The following NDUFB10 variants were observed in gnomAD, a reference collection of about 807,000 sequenced individuals.
The protein encoded by NDUFB10 is NADH:ubiquinone oxidoreductase subunit B10.
Under a neutral mutation model 19.0 loss-of-function variants are expected in NDUFB10, and 23 were observed. The observed-to-expected ratio is 1.21, with a 90% CI of 0.87 to 1.71. NDUFB10 has a LOEUF of 1.71. Among genes scored for constraint, NDUFB10 ranks in the 40% most tolerant of loss-of-function variants. The pLI is 0.00. For synonymous variants in NDUFB10, 104 were observed against 81.8 expected, an observed-to-expected ratio of 1.27 and a Z score of -1.46; for missense variants, 312 against 230.6, an observed-to-expected ratio of 1.35 and a Z score of -2.29.
At chr16:1,961,740 C>T (rs1353851193) in intron 3 of NDUFB10, 57 bp from the exon 4 acceptor site, 2 of 1,497,906 alleles carry the variant, frequency 1.3e-6, no homozygotes, top group African/African-American at 2.8e-5. Flanking sequence ...CTTGACTTTG[C>T]CCCCTTTGCA....
rs761387491 is a variant in NDUFB10, at chr16:1,959,608, C to A, written c.-17C>A. ...AGGGCAGCGCGTCCGGGAGCGGAGT[C>A]CGCGCCCGCCGCCGCCATGCCGGAC... On this transcript the variant is annotated 5_prime_UTR_variant, in exon 1 of 4. Coordinates refer to ENST00000268668, the MANE Select transcript of NDUFB10 (RefSeq NM_004548.3). The A allele has an allele frequency of 1.4e-5, 23 of 1,601,962 alleles. No homozygotes were observed. The highest frequency in any genetic ancestry group is 2.7e-5 in the African/African-American group (2 of 74,806).
chr16:1,960,817 A>C (rs538376187), intron 1 of NDUFB10, among the ~76,000 whole-genome samples: 40 of 152,328 alleles, frequency 2.6e-4, no homozygotes, highest in Non-Finnish European at 4.0e-4. Flanking sequence ...GTCCCTGTGC[A>C]GCTGGGGGAG....
rs1266339955 is a variant in NDUFB10, at chr16:1,959,766, C to T, written c.130+12C>T. ...GACCCTCGTGAGAGGTACGAAGCCC[C>T]AGCCCGGGGCTCCCTCGCCGGCCTC... On this transcript the variant is annotated intron_variant, in intron 1 of 3. Transcript: ENST00000268668. The T allele has an allele frequency of 6.2e-7, 1 of 1,612,608 alleles. No individual in the cohort carries two copies. The highest frequency in any genetic ancestry group is 1.3e-5 in the African/African-American group (1 of 74,868).
rs2083241301 is a variant in NDUFB10, at chr16:1,959,757, ACGAAGCCCCAGCCCGGGGCTCCCT to A, written c.130+6_130+29del. 2 of 1,612,838 alleles carry A rather than the reference ACGAAGCCCCAGCCCGGGGCTCCCT, an allele frequency of 1.2e-6. No homozygotes were observed. Among genetic ancestry groups the A allele is most frequent in the African/African-American group, 2.7e-5 (2 of 74,984 alleles). On this transcript the variant is annotated splice_donor_5th_base_variant and intron_variant, in intron 1 of 3. Coordinates refer to ENST00000268668, the MANE Select transcript of NDUFB10 (RefSeq NM_004548.3). The stretch of plus-strand genomic sequence containing the variant: ...CCGACCCGTGACCCTCGTGAGAGGT[ACGAAGCCCCAGCCCGGGGCTCCCT>A]CGCCGGCCTCTGGGGACCCCTGGAT...
In NDUFB10 at chr16:1,961,033, A is replaced by G. The variant is rs748452680; in HGVS notation, c.131-120A>G. 56 of 1,269,242 alleles carry G rather than the reference A, an allele frequency of 4.4e-5. No individual in the cohort carries two copies. In the East Asian group the frequency reaches 4.6e-4, roughly 10 times the overall value. The allele number at this position is 1,269,242 out of a possible 1,614,324, so 78.6% of individuals were successfully genotyped here. ...TTAGAGAGACGAATTGCTGTTTTCTAAACGCTGGAACACTCAGGAAGTTCT... is the reference window on the plus strand; with the variant it reads ...TTAGAGAGACGAATTGCTGTTTTCTGAACGCTGGAACACTCAGGAAGTTCT... On this transcript the variant is annotated intron_variant, in intron 1 of 3. Coordinates refer to ENST00000268668, the MANE Select transcript of NDUFB10 (RefSeq NM_004548.3).
Position 1,961,587 on chromosome 16 carries a change from CAAGG to C in NDUFB10, c.364_367del (p.Glu122TrpfsTer69), listed in dbSNP as rs1432317277. 6.2e-7 allele frequency: 1 copy of C among 1,614,066 alleles called. No individual in the cohort carries two copies. Among genetic ancestry groups the C allele is most frequent in the East Asian group, 2.2e-5 (1 of 44,884 alleles). On this transcript the variant is annotated frameshift_variant, in exon 3 of 4. Coordinates refer to ENST00000268668, the MANE Select transcript of NDUFB10 (RefSeq NM_004548.3). LOFTEE classifies it high-confidence loss of function. ...GACAGAACTACCAGCAGAACTGTAT[CAAGG>C]AAGTGGAGCAGTTCACCCAGGTGGC...
intron 2 of NDUFB10, 48 bp from the exon 3 acceptor site, chr16:1,961,449 G>A: frequency 1.9e-6 from 3 of 1,608,734 alleles, no homozygotes; most frequent in Non-Finnish European, 1.7e-6. Context: ...CAGGGTACAG[G>A]AAAAGGATTC....
In NDUFB10 at chr16:1,961,158, A is replaced by G. The variant is rs773698335; in HGVS notation, c.136A>G (p.Ile46Val). Residue 46 changes from isoleucine to valine, a missense_variant, in exon 2 of 4, where the codon ATA becomes GTA. By Grantham distance (29) the Ile-to-Val change is conservative. Transcript: ENST00000268668. ...CTGTGGCTTTGTCTTTGCAGAATTT[A>G]TAGAGCGGCAGCACGCAAAGAACAG... ...DRPVTLVREF[I>V]ERQHAKNRYY... 11 of 1,613,788 alleles carry G rather than the reference A, an allele frequency of 6.8e-6. No homozygotes were observed. In the East Asian group the frequency reaches 2.2e-4, roughly 33 times the overall value.
Position 1,959,575 on chromosome 16 carries a change from T to G in NDUFB10, c.-50T>G, listed in dbSNP as rs777832378. The G allele has an allele frequency of 6.4e-7, 1 of 1,560,308 alleles. No individual in the cohort carries two copies. The highest frequency in any genetic ancestry group is 8.7e-7 in the Non-Finnish European group (1 of 1,151,282). ...CTAGGCCGCGGGACCCGGACGGAGG[T>G]AGAGGCCAGGGCAGCGCGTCCGGGA... is the stretch of plus-strand genomic sequence containing the variant. On this transcript the variant is annotated 5_prime_UTR_variant, in exon 1 of 4. Coordinates refer to ENST00000268668, the MANE Select transcript of NDUFB10 (RefSeq NM_004548.3).
Position 1,961,169 on chromosome 16 carries a change from G to A in NDUFB10, c.147G>A (p.Gln49=), listed in dbSNP as rs1372061092. ...VTLVREFIER[Q]HAKNRYYYYH... is the part of the protein sequence containing the mutation. Reference sequence around the variant, plus strand: ...TCTTTGCAGAATTTATAGAGCGGCAGCACGCAAAGAACAGGTATTACTACT... The same window carrying A: ...TCTTTGCAGAATTTATAGAGCGGCAACACGCAAAGAACAGGTATTACTACT... Residue 49 remains glutamine (Q), a synonymous_variant, in exon 2 of 4, where the codon CAG becomes CAA. Transcript: ENST00000268668. 9 of 1,613,904 alleles carry A rather than the reference G, an allele frequency of 5.6e-6. No homozygotes were observed. Among genetic ancestry groups the A allele is most frequent in the East Asian group, 2.2e-5 (1 of 44,900 alleles).
intron 1 of NDUFB10, 123 bp downstream of exon 1, chr16:1,959,877 C>T (rs949897598): frequency 1.7e-5 from 23 of 1,335,944 alleles, no homozygotes; most frequent in African/African-American, 2.9e-5. Flanking sequence ...CGCTGCACCC[C>T]GGGGACAACT....
chr16:1,959,549 C>G lies in NDUFB10; in HGVS notation c.-76C>G. The G allele has an allele frequency of 2.7e-6, 4 of 1,505,180 alleles. No homozygotes were observed. The highest frequency in any genetic ancestry group is 3.6e-6 in the Non-Finnish European group (4 of 1,122,636). 93.2% of individuals were successfully genotyped at this position (1,505,180 alleles called of 1,614,324 possible). ...CCTCGGCGTCCTCTGTAGCGGGCGA[C>G]CTAGGCCGCGGGACCCGGACGGAGG... On this transcript the variant is annotated 5_prime_UTR_variant, in exon 1 of 4. Transcript: ENST00000268668.
rs763063498 is a variant in NDUFB10, at chr16:1,961,230, G to T, written c.208G>T (p.Glu70Ter). The T allele has an allele frequency of 6.2e-7, 1 of 1,614,132 alleles. No homozygotes were observed. Among genetic ancestry groups the T allele is most frequent in the Non-Finnish European group, 8.5e-7 (1 of 1,180,036 alleles). ...GTACCGCCGCGTGCCAGACATCACT[G>T]AGTGCAAGGAGGAGGACATCATGTG... is the stretch of plus-strand genomic sequence containing the variant. ...RQYRRVPDIT[E>*]CKEEDIMCMY... is the part of the protein sequence containing the mutation. Residue 70 changes from glutamate (E) to a stop codon, truncating the protein, a stop_gained, in exon 2 of 4, where the codon GAG becomes TAG. Coordinates refer to ENST00000268668, the MANE Select transcript of NDUFB10 (RefSeq NM_004548.3). LOFTEE classifies it high-confidence loss of function.
In NDUFB10 at chr16:1,960,143, C is replaced by G. The variant is rs564775866; in HGVS notation, c.130+389C>G. Among the ~76,000 whole-genome samples, 8 of 152,274 alleles carry G rather than the reference C, an allele frequency of 5.3e-5. No homozygotes were observed. In the South Asian group the frequency reaches 1.5e-3, roughly 28 times the overall value. ...TCTCAAATGTCTCTCTGCCGGATGA[C>G]CAAGTGTCGGGGTGATGGCCGAGAT... On this transcript the variant is annotated intron_variant, in intron 1 of 3. Coordinates refer to ENST00000268668, the MANE Select transcript of NDUFB10 (RefSeq NM_004548.3).
At position 1,961,892 on chromosome 16, in the gene NDUFB10, G is replaced by A. The variant is rs375613670; in HGVS notation, c.505G>A (p.Ala169Thr). Residue 169 changes from alanine to threonine, a missense_variant, in exon 4 of 4, where the codon GCT becomes ACT. Transcript: ENST00000268668. ...QERKAAKEAA[A>T]ATS is the part of the protein sequence containing the mutation. ...GAGAAAAGCTGCAAAAGAGGCCGCC[G>A]CTGCCACCTCCTGAGGCAGCTGTGG... 1.9e-5 allele frequency: 30 copies of A among 1,561,092 alleles called. No individual in the cohort carries two copies. The highest frequency in any genetic ancestry group is 9.5e-5 in the African/African-American group (7 of 73,710).
At chr16:1,959,849 C>T in intron 1 of NDUFB10, 95 bp downstream of exon 1, 4 of 1,510,606 alleles carry the variant, frequency 2.6e-6, no homozygotes, top group Non-Finnish European at 3.6e-6. Flanking sequence ...GGGGTCCCGT[C>T]TGCCTGAGAC....
chr16:1,959,694 A>G lies in NDUFB10; in HGVS notation c.70A>G (p.Ile24Val), dbSNP rs2083240847. ...CCGCACGCCGGTGCAGCCCAATCCCATCGTCTACATGATGAAAGCGTTCGA... is the reference window on the plus strand; with the variant it reads ...CCGCACGCCGGTGCAGCCCAATCCCGTCGTCTACATGATGAAAGCGTTCGA... Reference protein sequence around the residue: ...PRRTPVQPNPIVYMMKAFDLI... With the variant: ...PRRTPVQPNPVVYMMKAFDLI... The change falls in exon 1 of 4, where the codon ATC becomes GTC. Residue 24 changes from isoleucine (I) to valine (V), a missense_variant. Physicochemically the swap from Ile to Val is conservative, Grantham distance 29. Coordinates refer to ENST00000268668, the MANE Select transcript of NDUFB10 (RefSeq NM_004548.3). 1.9e-6 allele frequency: 3 copies of G among 1,613,098 alleles called. No individual in the cohort carries two copies. Among genetic ancestry groups the G allele is most frequent in the African/African-American group, 1.3e-5 (1 of 74,920 alleles).
rs1214682985 is a variant in NDUFB10, at chr16:1,959,590, C to A, written c.-35C>A. 1.9e-6 allele frequency: 3 copies of A among 1,586,406 alleles called. No homozygotes were observed. Among genetic ancestry groups the A allele is most frequent in the Non-Finnish European group, 1.7e-6 (2 of 1,166,558 alleles). On this transcript the variant is annotated 5_prime_UTR_variant, in exon 1 of 4. Coordinates refer to ENST00000268668, the MANE Select transcript of NDUFB10 (RefSeq NM_004548.3). Reference sequence around the variant, plus strand: ...CGGACGGAGGTAGAGGCCAGGGCAGCGCGTCCGGGAGCGGAGTCCGCGCCC... The same window carrying A: ...CGGACGGAGGTAGAGGCCAGGGCAGAGCGTCCGGGAGCGGAGTCCGCGCCC...
Position 1,961,643 on chromosome 16 carries a change from G to GGGGGCCCCCCCC in NDUFB10, c.409+7_409+8insGGGGCCCCCCCC. 2 of 1,547,242 alleles carry GGGGGCCCCCCCC rather than the reference G, an allele frequency of 1.3e-6. No homozygotes were observed. Among genetic ancestry groups the GGGGGCCCCCCCC allele is most frequent in the Non-Finnish European group, 1.8e-6 (2 of 1,141,074 alleles). ...AAGGCCTACCAGGACCGCTGTGCGT[G>GGGGGCCCCCCCC]CCCCACCCACCCCCAACCCCCCACC... On this transcript the variant is annotated splice_region_variant and intron_variant, in intron 3 of 3. Transcript: ENST00000268668.
Sources: allele counts gnomAD v4.1 joint callset (sites outside exome capture counted in the v4.1 genomes callset), GRCh38; gene constraint gnomAD v4.1.1; transcripts MANE v1.5; gene names NCBI Gene and HGNC (gene_info 2026-07-23, HGNC 2026-07-21).